The following CC2D1A variants were observed in gnomAD, a reference collection of about 807,000 sequenced individuals.
The protein encoded by CC2D1A is coiled-coil and C2 domain-containing protein 1A.
In CC2D1A, 68 loss-of-function variants were observed where a neutral mutation model predicts 123.8. The observed-to-expected ratio is 0.55, with a 90% CI of 0.45 to 0.67. The LOEUF (loss-of-function observed/expected upper bound fraction) is 0.67. Ranked by LOEUF, CC2D1A falls within the 30% of genes least tolerant of loss-of-function variation. The pLI, the probability that CC2D1A is intolerant of heterozygous loss-of-function variation, is 0.00. For synonymous variants in CC2D1A, 477 were observed against 528.0 expected (o/e 0.90, Z 1.32); for missense variants, 1,185 against 1,290.3 (o/e 0.92, Z 1.25).
chr19:13,909,812 T>C lies in CC2D1A; in HGVS notation c.61-11T>C, dbSNP rs766499059. On this transcript the variant is annotated splice_polypyrimidine_tract_variant and intron_variant, in intron 1 of 28. Transcript: ENST00000318003. ...ACCAAAGGTCTGACTGAACCCTTGC[T>C]GTTCCCCTAGCTGGGCCTGCTGGTT... 4 of 1,595,262 alleles carry C rather than the reference T, an allele frequency of 2.5e-6. No homozygotes were observed. The African/African-American group carries it at 5.4e-5, about 21-fold the overall frequency.
chr19:13,920,017 T>G, intron 12 of CC2D1A, 66 bp downstream of exon 12: 1,109 of 1,460,992 alleles, frequency 7.6e-4, no homozygotes, highest in Middle Eastern at 2.2e-3. Flanking sequence ...GAATCCAAGA[T>G]GGGAGGATCG....
In CC2D1A at chr19:13,920,052, TC is replaced by T. The variant is rs1971355474; in HGVS notation, c.1356+103del. On this transcript the variant is annotated intron_variant, in intron 12 of 28. Transcript: ENST00000318003. Reference sequence around the variant, plus strand: ...GCTTGAGGCCAGGAGTTTGAGACCATCCTGGGCCACACAGTGAGACCCCCGT... The same window carrying T: ...GCTTGAGGCCAGGAGTTTGAGACCATCTGGGCCACACAGTGAGACCCCCGT... The T allele has an allele frequency of 9.1e-5, 114 of 1,258,756 alleles. No homozygotes were observed. In the South Asian group the frequency reaches 1.6e-3, roughly 18 times the overall value. The allele number at this position is 1,258,756 out of a possible 1,614,324, so 78.0% of individuals were successfully genotyped here. A position where few individuals can be genotyped will look rare whatever the true frequency, so the allele number is the denominator to read the frequency against.
rs1970749372 is a variant in CC2D1A, at chr19:13,906,626, C to A, written c.60+125C>A. The A allele has an allele frequency of 7.1e-6, 4 of 565,958 alleles. No homozygotes were observed. The highest frequency in any genetic ancestry group is 8.8e-6 in the Non-Finnish European group (3 of 339,876). 35.1% of individuals were successfully genotyped at this position (565,958 alleles called of 1,614,324 possible). ...CACAGGTAAGCCCCGGTCCCCGCCT[C>A]CCCCCAGGTGAGGCTCCAACACCAC... On this transcript the variant is annotated intron_variant, in intron 1 of 28. Transcript: ENST00000318003. The surrounding 1 kb of genome is among the most constrained non-coding windows in gnomAD (Gnocchi z 4.1).
In CC2D1A at chr19:13,930,747, C is replaced by T; in HGVS notation, c.*352C>T. The T allele has an allele frequency of 2.6e-6, 1 of 380,394 alleles. No homozygotes were observed. The highest frequency in any genetic ancestry group is 4.3e-5 in the Admixed American group (1 of 23,242). The allele number at this position is 380,394 out of a possible 1,614,324, so 23.6% of individuals were successfully genotyped here. ...ACTTCCTGTTCCTCCCCAGCCTTAA[C>T]CCCAAAGCCCTCCTGCACCCCAAAG... On this transcript the variant is annotated 3_prime_UTR_variant, in exon 29 of 29. Transcript: ENST00000318003. This position sits in a 1 kb window ranked among gnomAD's most constrained non-coding sequence, Gnocchi z 6.8.
In CC2D1A at chr19:13,928,038, C is replaced by G; in HGVS notation, c.2454+8C>G. The stretch of plus-strand genomic sequence containing the variant: ...CCGGCAGCTGTGCCCACAGTGAGAC[C>G]CCCCACCCCCACCCATCAGCAACCC... On this transcript the variant is annotated splice_region_variant and intron_variant, in intron 23 of 28. Transcript: ENST00000318003. 6.2e-7 allele frequency: 1 copy of G among 1,611,014 alleles called. No individual in the cohort carries two copies.
In CC2D1A at chr19:13,906,954, C is replaced by T. The variant is rs1719374286; in HGVS notation, c.60+453C>T. On this transcript the variant is annotated intron_variant, in intron 1 of 28. Transcript: ENST00000318003. The surrounding 1 kb of genome is among the most constrained non-coding windows in gnomAD (Gnocchi z 4.1). ...GGCACTGTGGCTGGACCCCTTCTCACTCTCCCGACTTCTTTGCCCCAGGCA... is the reference window on the plus strand; with the variant it reads ...GGCACTGTGGCTGGACCCCTTCTCATTCTCCCGACTTCTTTGCCCCAGGCA... Among the ~76,000 whole-genome samples, 1 of 152,216 alleles carries T rather than the reference C, an allele frequency of 6.6e-6. No individual in the cohort carries two copies. Among genetic ancestry groups the T allele is most frequent in the Non-Finnish European group, 1.5e-5 (1 of 68,040 alleles).
Position 13,920,912 on chromosome 19 carries a change from A to C in CC2D1A, c.1631A>C (p.Asp544Ala), listed in dbSNP as rs1296523485. The C allele has an allele frequency of 1.2e-6, 2 of 1,613,088 alleles. No homozygotes were observed. Among genetic ancestry groups the C allele is most frequent in the African/African-American group, 2.7e-5 (2 of 74,938 alleles). ...GCCTCGCGCAATGGGCTGCCTGTGG[A>C]CATCACCAAGGTGAACCTTCTGGGC... ...LEASRNGLPV[D>A]ITKVPPAPVN... The change falls in exon 14 of 29, where the codon GAC (aspartate) becomes GCC (alanine). Residue 544 changes from aspartate to alanine, a missense_variant. Asp to Ala is a moderately radical substitution (Grantham distance 126). Coordinates refer to ENST00000318003, the MANE Select transcript of CC2D1A (RefSeq NM_017721.5).
rs943443876 is a variant in CC2D1A at position 13,930,653 on chromosome 19, G to A, written c.*258G>A. 5.2e-5 allele frequency: 27 copies of A among 516,170 alleles called. No individual in the cohort carries two copies. Among genetic ancestry groups the A allele is most frequent in the Admixed American group, 2.2e-4 (6 of 27,450 alleles). The allele number at this position is 516,170 out of a possible 1,614,324, so 32.0% of individuals were successfully genotyped here. ...CTGTTTGCACAGCCCAGGGGTGTCCGGCCTCTGGCCCGCCCCGGAGCAGGG... is the reference window on the plus strand; with the variant it reads ...CTGTTTGCACAGCCCAGGGGTGTCCAGCCTCTGGCCCGCCCCGGAGCAGGG... On this transcript the variant is annotated 3_prime_UTR_variant, in exon 29 of 29. Transcript: ENST00000318003. The surrounding 1 kb of genome is among the most constrained non-coding windows in gnomAD (Gnocchi z 6.8).
At chr19:13,926,096 T>C (rs1476806733) in intron 17 of CC2D1A, among the ~76,000 whole-genome samples, 4 of 119,874 alleles carry the variant, frequency 3.3e-5, no homozygotes, top group Non-Finnish European at 6.8e-5. Flanking sequence ...ACATATATAT[T>C]AAGTGAAAAG....
intron 6 of CC2D1A, 121 bp downstream of exon 6, chr19:13,913,759 G>A: frequency 2.8e-6 from 2 of 709,412 alleles, no homozygotes; most frequent in Non-Finnish European, 4.5e-6. Context: ...CTGAGTCCTG[G>A]GGTCTTCAAG....
intron 11 of CC2D1A, 62 bp from the exon 12 acceptor site, chr19:13,919,756 A>G: frequency 6.6e-7 from 1 of 1,507,256 alleles, no homozygotes; most frequent in East Asian, 2.3e-5. Context: ...CATCTCCACC[A>G]TAATGGTGTG....
Position 13,919,804 on chromosome 19 carries a change from G to A in CC2D1A, c.1223-14G>A, listed in dbSNP as rs751407136. ...TCCTGACACACAATAACCAGGCCTC[G>A]ACTGGCCACCCAGGCTTCCCCCCAA... is the stretch of plus-strand genomic sequence containing the variant. On this transcript the variant is annotated splice_polypyrimidine_tract_variant and intron_variant, in intron 11 of 28. Coordinates refer to ENST00000318003, the MANE Select transcript of CC2D1A (RefSeq NM_017721.5). The A allele has an allele frequency of 7.6e-6, 12 of 1,588,948 alleles. No individual in the cohort carries two copies. Among genetic ancestry groups the A allele is most frequent in the African/African-American group, 5.4e-5 (4 of 74,036 alleles).
rs1401430198 is a variant in CC2D1A at position 13,926,603 on chromosome 19, T to C, written c.2014+13T>C. The C allele has an allele frequency of 3.4e-5, 55 of 1,614,020 alleles. No individual in the cohort carries two copies. The highest frequency in any genetic ancestry group is 4.7e-5 in the Non-Finnish European group (55 of 1,179,998). On this transcript the variant is annotated intron_variant, in intron 18 of 28. Transcript: ENST00000318003. The stretch of plus-strand genomic sequence containing the variant: ...CCCACACCCCCAGGTGAGGGGGCTG[T>C]AGGCAAGGGTCAGGGTCATGGGGAC...
chr19:13,927,797 C>CAA lies in CC2D1A; in HGVS notation c.2317-86_2317-85dup, dbSNP rs61144434. The stretch of plus-strand genomic sequence containing the variant: ...ACTCTATCTCAGAAAAAAAAAAAAC[C>CAA]AAAAAAAAAAACCAGTCTTGTTCTC... On this transcript the variant is annotated intron_variant, in intron 22 of 28. Transcript: ENST00000318003. 4.0e-3 allele frequency: 3,999 copies of CAA among 990,798 alleles called. 20 individuals carry two copies. Among genetic ancestry groups the CAA allele is most frequent in the African/African-American group, 0.034 (2,027 of 59,242 alleles). 61.4% of individuals were successfully genotyped at this position (990,798 alleles called of 1,614,324 possible).
At position 13,909,848 on chromosome 19, in the gene CC2D1A, C is replaced by G; in HGVS notation, c.86C>G (p.Pro29Arg). 1 of 1,583,382 alleles carries G rather than the reference C, an allele frequency of 6.3e-7. No homozygotes were observed. The highest frequency in any genetic ancestry group is 8.6e-7 in the Non-Finnish European group (1 of 1,161,298). Reference sequence around the variant, plus strand: ...CTGGGCCTGCTGGTTGACCTCTCCCCAGATGGCCTGATGATCCCTGAGGAC... The same window carrying G: ...CTGGGCCTGCTGGTTGACCTCTCCCGAGATGGCCTGATGATCCCTGAGGAC... Reference protein sequence around the residue: ...RQLGLLVDLSPDGLMIPEDGA... With the variant: ...RQLGLLVDLSRDGLMIPEDGA... Residue 29 changes from proline to arginine, a missense_variant, in exon 2 of 29, where the codon CCA becomes CGA. Coordinates refer to ENST00000318003, the MANE Select transcript of CC2D1A (RefSeq NM_017721.5).
intron 26 of CC2D1A, 122 bp from the exon 27 acceptor site, chr19:13,929,956 G>T (rs1342359784): frequency 2.4e-6 from 2 of 844,788 alleles, no homozygotes; most frequent in African/African-American, 3.4e-5. Flanking sequence ...GGCACCTGGA[G>T]GGGGAGGGGC....
rs1480662745 is a variant in CC2D1A, at chr19:13,918,149, G to C, written c.828G>C (p.Gln276His). 3.1e-6 allele frequency: 5 copies of C among 1,609,652 alleles called. No individual in the cohort carries two copies. Among genetic ancestry groups the C allele is most frequent in the Non-Finnish European group, 4.2e-6 (5 of 1,178,976 alleles). ...AGCTGGCTGCCCTCCACGCCAAGCAGCAGGGAGATACCACTGCTGCCGCTA... is the reference window on the plus strand; with the variant it reads ...AGCTGGCTGCCCTCCACGCCAAGCACCAGGGAGATACCACTGCTGCCGCTA... ...DYKLAALHAK[Q>H]QGDTTAAARH... The change falls in exon 7 of 29, where the codon CAG becomes CAC. Residue 276 changes from glutamine (Q) to histidine (H), a missense_variant. Gln to His is a conservative substitution (Grantham distance 24). Transcript: ENST00000318003.
At chr19:13,929,157 C>T (rs983492663) in intron 24 of CC2D1A, among the ~76,000 whole-genome samples, 1 of 151,818 alleles carries the variant, frequency 6.6e-6, no homozygotes, top group South Asian at 2.1e-4. Flanking sequence ...GAGCACACCA[C>T]CATGCCCAGC....
intron 6 of CC2D1A, among the ~76,000 whole-genome samples, chr19:13,916,988 C>T (rs1018457736): frequency 2.6e-5 from 4 of 152,204 alleles, no homozygotes; most frequent in East Asian, 3.8e-4. Context: ...GCACTGAATA[C>T]TGGGTTTCCT....
Sources: gnomAD v4.1 joint callset for allele counts (sites outside exome capture counted in the v4.1 genomes callset) on GRCh38, gnomAD v4.1.1 for gene constraint, Gnocchi (gnomAD v3.1) non-coding constraint, MANE v1.5 for transcripts, NCBI Gene and HGNC (gene_info 2026-07-23, HGNC 2026-07-21) for gene names.